Variants in SLC9A3 observed in about 807,000 individuals in gnomAD.
SLC9A3 encodes sodium/hydrogen exchanger 3.
In SLC9A3, 37 loss-of-function variants were observed where a neutral mutation model predicts 86.8. That is an observed-to-expected ratio of 0.43 (90% confidence interval 0.33 to 0.56). The LOEUF is 0.56. Ranked by LOEUF, SLC9A3 falls within the 20% of genes least tolerant of loss-of-function variation. The pLI, the probability that SLC9A3 is intolerant of heterozygous loss-of-function variation, is 0.06. For synonymous variants in SLC9A3, 581 were observed against 528.3 expected, an observed-to-expected ratio of 1.10 and a Z score of -1.37; for missense variants, 1,011 against 1,171.9, an observed-to-expected ratio of 0.86 and a Z score of 2.00.
At chr5:482,820 G>C (rs1174915987) in intron 6 of SLC9A3, 70 bp from the exon 7 acceptor site, 9 of 1,281,320 alleles carry the variant, frequency 7.0e-6, no homozygotes, top group Non-Finnish European at 9.8e-6. Context: ...GCCCCTCCGG[G>C]ACAGCGTCTT....
Position 484,500 on chromosome 5 carries a change from C to T in SLC9A3, c.932+20G>A, listed in dbSNP as rs775981842. The T allele has an allele frequency of 3.7e-5, 59 of 1,609,556 alleles. No homozygotes were observed. Among genetic ancestry groups the T allele is most frequent in the East Asian group, 3.1e-4 (14 of 44,824 alleles). On this transcript the variant is annotated intron_variant, in intron 5 of 16. Transcript: ENST00000264938. ...CGGGAGGAGGGCGTGGAGAAGCTCG[C>T]GTGTGTGGGAGGGACTCACGCGAGG...
In SLC9A3 at chr5:488,488, G is replaced by A. The variant is rs752742422; in HGVS notation, c.515-12C>T. 2.0e-6 allele frequency: 3 copies of A among 1,538,360 alleles called. No individual in the cohort carries two copies. The highest frequency in any genetic ancestry group is 1.4e-5 in the African/African-American group (1 of 72,644). On this transcript the variant is annotated splice_polypyrimidine_tract_variant and intron_variant, in intron 2 of 16. Transcript: ENST00000264938. Reference sequence around the variant, plus strand: ...AATCTGCAGGTCGCCTGGAAGACAAGCCGGGCCGCGGGGCAGCTGCAGGGC... The same window carrying A: ...AATCTGCAGGTCGCCTGGAAGACAAACCGGGCCGCGGGGCAGCTGCAGGGC...
intron 1 of SLC9A3, among the ~76,000 whole-genome samples, chr5:515,439 C>G (rs1014363817): frequency 6.6e-6 from 1 of 152,080 alleles, no homozygotes; most frequent in Admixed American, 6.5e-5. Context: ...ACTGACGACA[C>G]GACACTTTGG....
intron 11 of SLC9A3, 130 bp downstream of exon 11, chr5:477,202 C>T (rs56019741): frequency 0.017 from 10,497 of 629,828 alleles, 118 homozygotes; most frequent in Middle Eastern, 0.027. Flanking sequence ...AGACACCCAC[C>T]CCCTCTTTCT....
At chr5:502,328 A>G (rs150320027) in intron 1 of SLC9A3, among the ~76,000 whole-genome samples, 59 of 152,178 alleles carry the variant, frequency 3.9e-4, no homozygotes, top group African/African-American at 1.4e-3. Context: ...CAGCGTGAGA[A>G]CAGACAGACA....
At chr5:480,850 T>C (rs536074457) in intron 9 of SLC9A3, 1 of 152,424 alleles carries the variant, frequency 6.6e-6, no homozygotes, top group East Asian at 1.9e-4. Flanking sequence ...GTGTCACATG[T>C]TTTTTATAAT....
chr5:484,798 G>T, intron 4 of SLC9A3, 101 bp from the exon 5 acceptor site: 1 of 1,120,070 alleles, frequency 8.9e-7, no homozygotes, highest in Non-Finnish European at 1.3e-6. Flanking sequence ...CCCGGGAAAC[G>T]GGGGTGGATC....
chr5:489,026 G>A (rs1373542473), intron 2 of SLC9A3, among the ~76,000 whole-genome samples: 2 of 152,202 alleles, frequency 1.3e-5, no homozygotes, highest in South Asian at 4.1e-4. Flanking sequence ...TTCCCTCCCC[G>A]CATCTGCCTG....
At chr5:512,911 C>T (rs1015778404) in intron 1 of SLC9A3, among the ~76,000 whole-genome samples, 2 of 152,162 alleles carry the variant, frequency 1.3e-5, no homozygotes, top group East Asian at 1.9e-4. Flanking sequence ...TCTGACTCCA[C>T]GGTGCTGACA....
At chr5:514,523 C>A (rs187277202) in intron 1 of SLC9A3, among the ~76,000 whole-genome samples, 1 of 152,238 alleles carries the variant, frequency 6.6e-6, no homozygotes, top group Non-Finnish European at 1.5e-5. Context: ...CAGTCCTGCC[C>A]AGTGGCTCCC....
At position 476,282 on chromosome 5, in the gene SLC9A3, A is replaced by G. The variant is rs1738726787; in HGVS notation, c.1987T>C (p.Ser663Pro). 9.9e-6 allele frequency: 16 copies of G among 1,613,260 alleles called. No individual in the cohort carries two copies. The highest frequency in any genetic ancestry group is 1.4e-5 in the Non-Finnish European group (16 of 1,179,814). Residue 663 changes from serine (S) to proline (P), a missense_variant, in exon 13 of 17, where the codon TCC becomes CCC. Coordinates refer to ENST00000264938, the MANE Select transcript of SLC9A3 (RefSeq NM_004174.4). Reference sequence around the variant, plus strand: ...AGCCCCAGCTTGGTCGACTTGAAGGACTCCAGGCGCTTCCGCATGGTCCTG... The same window carrying G: ...AGCCCCAGCTTGGTCGACTTGAAGGGCTCCAGGCGCTTCCGCATGGTCCTG... The part of the protein sequence containing the change: ...FHRTMRKRLE[S>P]FKSTKLGLNQ...
At position 491,778 on chromosome 5, in the gene SLC9A3, C is replaced by A; in HGVS notation, c.505G>T (p.Gly169Trp). The A allele has an allele frequency of 6.5e-7, 1 of 1,548,788 alleles. No individual in the cohort carries two copies. Among genetic ancestry groups the A allele is most frequent in the Non-Finnish European group, 8.8e-7 (1 of 1,142,038 alleles). The change falls in exon 2 of 17, where the codon GGG becomes TGG. Residue 169 changes from glycine (G) to tryptophan (W), a missense_variant. Around this residue, in one of 3 missense-constraint regions of SLC9A3, gnomAD observed 565 missense variants for 790.0 expected, o/e 0.72. Transcript: ENST00000264938. The surrounding 1 kb of genome is among the most constrained non-coding windows in gnomAD (Gnocchi z 9.2). The stretch of plus-strand genomic sequence containing the variant: ...AGTGGCGCAGACTCACCCATGAGCC[C>A]ACTGAGGAAGACGCCGTAGAGGGAC... ...GLSLYGVFLS[G>W]LMGDLQIGLL...
Position 491,995 on chromosome 5 carries a change from G to T in SLC9A3, c.288C>A (p.Gly96=). ...TGTGGTCGGCCGCCCAGACGATGCC[G>T]CCCAGCACCAGGCCCAGCACGATGA... The part of the protein sequence containing the change: ...ALLIVLGLVL[G]GIVWAADHIA... Residue 96 remains glycine (G), a synonymous_variant, in exon 2 of 17, where the codon GGC becomes GGA. Transcript: ENST00000264938. The surrounding 1 kb of genome is among the most constrained non-coding windows in gnomAD (Gnocchi z 9.2). The T allele has an allele frequency of 1.2e-6, 2 of 1,600,148 alleles. No homozygotes were observed. Among genetic ancestry groups the T allele is most frequent in the Non-Finnish European group, 1.7e-6 (2 of 1,173,898 alleles).
rs1259532658 is a variant in SLC9A3 at position 483,281 on chromosome 5, G to A, written c.1134C>T (p.Ile378=). Residue 378 remains isoleucine (I), a synonymous_variant, in exon 6 of 17, where the codon ATC becomes ATT. Coordinates refer to ENST00000264938, the MANE Select transcript of SLC9A3 (RefSeq NM_004174.4). ...TAFVLLTLVF[I]SVYRAIGVVL... Reference sequence around the variant, plus strand: ...CCTCACCGATGGCCCGGTACACGGAGATGAAGACCAGCGTCAGGAGCACGA... The same window carrying A: ...CCTCACCGATGGCCCGGTACACGGAAATGAAGACCAGCGTCAGGAGCACGA... The A allele has an allele frequency of 3.9e-6, 6 of 1,550,928 alleles. No homozygotes were observed. The highest frequency in any genetic ancestry group is 5.2e-6 in the Non-Finnish European group (6 of 1,145,812).
intron 1 of SLC9A3, among the ~76,000 whole-genome samples, chr5:506,514 A>G (rs1251774852): frequency 6.6e-6 from 1 of 152,016 alleles, no homozygotes; most frequent in Non-Finnish European, 1.5e-5. Flanking sequence ...GCGGGGCACC[A>G]CTCCAGAGCT....
chr5:483,592 G>T, intron 5 of SLC9A3, 110 bp from the exon 6 acceptor site: 1 of 792,772 alleles, frequency 1.3e-6, no homozygotes, highest in Non-Finnish European at 2.1e-6. Flanking sequence ...AGTCACAGTT[G>T]TGTGGTTACG....
intron 3 of SLC9A3, among the ~76,000 whole-genome samples, chr5:487,635 C>T (rs1396573154): frequency 6.6e-6 from 1 of 152,232 alleles, no homozygotes; most frequent in African/African-American, 2.4e-5. Flanking sequence ...TGGCAGATTA[C>T]GTGGTTCCTA....
chr5:482,260 C>A (rs1441205900), intron 7 of SLC9A3, 103 bp from the exon 8 acceptor site: 1 of 899,706 alleles, frequency 1.1e-6, no homozygotes, highest in Non-Finnish European at 1.8e-6. Flanking sequence ...GGCCCACAGG[C>A]GCCCTCCCTG....
chr5:507,938 T>TCC (rs1740688160), intron 1 of SLC9A3, among the ~76,000 whole-genome samples: 1 of 27,726 alleles, frequency 3.6e-5, no homozygotes, highest in African/African-American at 1.2e-4. Flanking sequence ...CGCCCGAATC[T>TCC]CCACCCCACA....
Sources: allele counts gnomAD v4.1 joint callset (sites outside exome capture counted in the v4.1 genomes callset), GRCh38; gene constraint gnomAD v4.1.1; regional missense constraint gnomAD v4.1.1; non-coding constraint Gnocchi (gnomAD v3.1); transcripts MANE v1.5; gene names NCBI Gene and HGNC (gene_info 2026-07-23, HGNC 2026-07-21).